DLGAP2: variants seen among roughly 807,000 people sequenced by gnomAD.
DLGAP2 encodes the protein disks large-associated protein 2.
Under a neutral mutation model 100.3 loss-of-function variants are expected in DLGAP2, and 26 were observed. The observed-to-expected ratio is 0.26, with a 90% CI of 0.19 to 0.36. The LOEUF (loss-of-function observed/expected upper bound fraction) is 0.36, where lower values mean the gene tolerates loss of function less well. Ranked by LOEUF, DLGAP2 falls within the 10% of genes least tolerant of loss-of-function variation. The pLI is 1.00. For synonymous variants in DLGAP2, 886 were observed against 630.1 expected, an observed-to-expected ratio of 1.41 and a Z score of -6.08; for missense variants, 1,858 against 1,453.2, an observed-to-expected ratio of 1.28 and a Z score of -4.53.
chr8:963,396 A>G (rs939326139), intron 2 of DLGAP2, among the ~76,000 whole-genome samples: 1 of 152,216 alleles, frequency 6.6e-6, no homozygotes, highest in Non-Finnish European at 1.5e-5. Context: ...CACAAAAGAT[A>G]AAGAATAACC....
At chr8:766,458 AT>A (rs1821219088) in intron 1 of DLGAP2, among the ~76,000 whole-genome samples, 1 of 152,220 alleles carries the variant, frequency 6.6e-6, no homozygotes. Flanking sequence ...GTCCTCCGGA[AT>A]TGAACTCTGG....
intron 1 of DLGAP2, among the ~76,000 whole-genome samples, chr8:865,856 G>A (rs1308879218): frequency 6.6e-6 from 1 of 152,174 alleles, no homozygotes; most frequent in Non-Finnish European, 1.5e-5. Context: ...GAGAGGTGTG[G>A]TCTGCGGCTC....
At chr8:1,693,088 T>C (rs1490624363) in intron 13 of DLGAP2, among the ~76,000 whole-genome samples, 1 of 148,106 alleles carries the variant, frequency 6.8e-6, no homozygotes, top group Non-Finnish European at 1.5e-5. Context: ...TATTAACATG[T>C]ATATGAAATT....
chr8:1,578,899 A>G (rs983253574), intron 6 of DLGAP2, among the ~76,000 whole-genome samples: 6 of 152,252 alleles, frequency 3.9e-5, no homozygotes, highest in African/African-American at 1.4e-4. Context: ...TCTGTGGGTC[A>G]GACCCTGCCC....
chr8:1,640,343 C>A (rs7017954), intron 8 of DLGAP2, among the ~76,000 whole-genome samples: 2 of 128,792 alleles, frequency 1.6e-5, no homozygotes, highest in East Asian at 2.1e-4. Flanking sequence ...GAAGCCCAGG[C>A]GTGCTGTCCC....
intron 3 of DLGAP2, among the ~76,000 whole-genome samples, chr8:1,451,168 A>T (rs905147519): frequency 2.6e-5 from 4 of 152,100 alleles, no homozygotes; most frequent in Non-Finnish European, 4.4e-5. Flanking sequence ...CGCCGCTGCC[A>T]GTGCTGCTGC....
chr8:1,367,124 G>C (rs779061080), intron 3 of DLGAP2, among the ~76,000 whole-genome samples: 2 of 152,170 alleles, frequency 1.3e-5, no homozygotes, highest in Non-Finnish European at 2.9e-5. Flanking sequence ...CACAGACCCC[G>C]GTGACTATAT....
At chr8:1,685,505 G>C (rs1391721674) in intron 12 of DLGAP2, among the ~76,000 whole-genome samples, 1 of 152,184 alleles carries the variant, frequency 6.6e-6, no homozygotes, top group Non-Finnish European at 1.5e-5. Flanking sequence ...CAGACTAAGA[G>C]AATCAACCCA....
intron 4 of DLGAP2, among the ~76,000 whole-genome samples, chr8:1,512,691 A>T (rs1362410538): frequency 6.6e-6 from 1 of 152,264 alleles, no homozygotes; most frequent in Non-Finnish European, 1.5e-5. Flanking sequence ...TTCAGCTGAC[A>T]GCAAATGCGT....
intron 2 of DLGAP2, among the ~76,000 whole-genome samples, chr8:928,130 C>G (rs1042194126): frequency 2.6e-5 from 4 of 152,188 alleles, no homozygotes; most frequent in Non-Finnish European, 2.9e-5. Flanking sequence ...GAAGCCACCT[C>G]CTAGGAGAAT....
chr8:1,470,720 C>G (rs1798755891), intron 3 of DLGAP2, among the ~76,000 whole-genome samples: 1 of 140,284 alleles, frequency 7.1e-6, no homozygotes, highest in Non-Finnish European at 1.5e-5. Flanking sequence ...GAAGGCATCA[C>G]CGACCACGGC....
Position 1,084,512 on chromosome 8 carries a change from T to A in DLGAP2, c.74-174339T>A, listed in dbSNP as rs78355100. On this transcript the variant is annotated intron_variant, in intron 2 of 14. Transcript: ENST00000637795. The stretch of plus-strand genomic sequence containing the variant: ...CCCTCCTGTCCGAGGCTTTGTACCC[T>A]CTGGGCACCATTTCTCCCTCCCCAC... Among the ~76,000 whole-genome samples, 186 of 152,354 alleles carry A rather than the reference T, an allele frequency of 1.2e-3. 1 individual carries two copies. Among genetic ancestry groups the A allele is most frequent in the African/African-American group, 4.2e-3 (176 of 41,582 alleles).
At chr8:927,618 G>A (rs910816711) in intron 2 of DLGAP2, among the ~76,000 whole-genome samples, 1 of 152,146 alleles carries the variant, frequency 6.6e-6, no homozygotes, top group Non-Finnish European at 1.5e-5. Flanking sequence ...CAGGAGAATC[G>A]TGGGGCCCAG....
At chr8:1,528,399 A>C (rs960838267) in intron 4 of DLGAP2, among the ~76,000 whole-genome samples, 1 of 152,216 alleles carries the variant, frequency 6.6e-6, no homozygotes, top group African/African-American at 2.4e-5. Flanking sequence ...GAAGAAAGTA[A>C]AGCAAAACAG....
rs1462538807 is a variant in DLGAP2, at chr8:922,847, G to C, written c.73+14881G>C. ...CACTGTTCTCTCAGGTGTGAGTTGG[G>C]GTTAATGTGCAGGCATCTTAAGCAC... On this transcript the variant is annotated intron_variant, in intron 2 of 14. Transcript: ENST00000637795. Among the ~76,000 whole-genome samples, 3 of 152,142 alleles carry C rather than the reference G, an allele frequency of 2.0e-5. No homozygotes were observed. The South Asian group carries it at 6.2e-4, about 32-fold the overall frequency.
intron 3 of DLGAP2, among the ~76,000 whole-genome samples, chr8:1,353,459 G>A (rs1227409733): frequency 1.3e-5 from 2 of 152,336 alleles, no homozygotes; most frequent in East Asian, 3.9e-4. Context: ...TAGGCTTTGT[G>A]CCGGATGATC....
Position 1,524,067 on chromosome 8 carries a change from G to A in DLGAP2, c.172+22636G>A, listed in dbSNP as rs576957836. ...TTCTGATCTGCAGGGACGTCGTCCCGTGTAAGAGTTCAGCGGTGCCTCCAC... is the reference window on the plus strand; with the variant it reads ...TTCTGATCTGCAGGGACGTCGTCCCATGTAAGAGTTCAGCGGTGCCTCCAC... On this transcript the variant is annotated intron_variant, in intron 4 of 14. Transcript: ENST00000637795. 1.2e-4 allele frequency among the ~76,000 whole-genome samples: 19 copies of A among 152,300 alleles called. 1 individual carries two copies. Among genetic ancestry groups the A allele is most frequent in the Admixed American group, 2.6e-4 (4 of 15,302 alleles).
At chr8:791,848 C>A (rs1029156904) in intron 1 of DLGAP2, among the ~76,000 whole-genome samples, 11 of 152,300 alleles carry the variant, frequency 7.2e-5, no homozygotes, top group Non-Finnish European at 1.6e-4. Context: ...CTCCTGTTCC[C>A]TCTCCACACA....
chr8:1,259,545 G>T (rs1799302740), intron 3 of DLGAP2: 1 of 152,230 alleles, frequency 6.6e-6, no homozygotes, highest in Admixed American at 6.5e-5. Flanking sequence ...TTGATTTCGA[G>T]GTCTGCTTTC....
Sources: gnomAD v4.1 joint callset for allele counts (sites outside exome capture counted in the v4.1 genomes callset) on GRCh38, gnomAD v4.1.1 for gene constraint, MANE v1.5 for transcripts, NCBI Gene and HGNC (gene_info 2026-07-23, HGNC 2026-07-21) for gene names.